TNFRSF4: variants seen among roughly 807,000 people sequenced by gnomAD.
TNFRSF4 encodes the protein TNF receptor superfamily member 4.
In TNFRSF4, 21 loss-of-function variants were observed where a neutral mutation model predicts 29.5. The ratio of observed to expected loss-of-function variants is 0.71; its 90% CI spans 0.51 to 1.03. The LOEUF (loss-of-function observed/expected upper bound fraction) is 1.03. Ranked by LOEUF, TNFRSF4 falls within the 50% of genes least tolerant of loss-of-function variation. The pLI, the probability that TNFRSF4 is intolerant of heterozygous loss-of-function variation, is 0.00. For synonymous variants in TNFRSF4, 197 were observed against 172.7 expected, an observed-to-expected ratio of 1.14 and a Z score of -1.10; for missense variants, 408 against 387.8, an observed-to-expected ratio of 1.05 and a Z score of -0.44.
At position 1,211,704 on chromosome 1, in the gene TNFRSF4, C is replaced by T. The variant is rs1649118071; in HGVS notation, c.763G>A (p.Gly255Arg). Residue 255 changes from glycine to arginine, a missense_variant and splice_region_variant, in exon 6 of 7, where the codon GGG becomes AGG. Coordinates refer to ENST00000379236, the MANE Select transcript of TNFRSF4 (RefSeq NM_003327.4). ...RLPPDAHKPP[G>R]GGSFRTPIQE... ...TGCGGCAGGGCCATGAGGCACTCAC[C>T]AGGGGGCTTGTGGGCATCGGGGGGC... 6.3e-7 allele frequency: 1 copy of T among 1,592,228 alleles called. No individual in the cohort carries two copies. Among genetic ancestry groups the T allele is most frequent in the Non-Finnish European group, 8.5e-7 (1 of 1,170,028 alleles).
In TNFRSF4 at chr1:1,213,117, G is replaced by T. The variant is rs772326773; in HGVS notation, c.269-24C>A. On this transcript the variant is annotated intron_variant, in intron 2 of 6. Transcript: ENST00000379236. ...TCCTGAGCAGGGGCCGGATGGGGGG[G>T]TGGTCAGGTGGGGGCTGTGGACAGG... The T allele has an allele frequency of 8.2e-6, 13 of 1,594,540 alleles. No individual in the cohort carries two copies. The Admixed American group carries it at 1.2e-4, about 15-fold the overall frequency.
At chr1:1,213,159 G>C in intron 2 of TNFRSF4, 66 bp from the exon 3 acceptor site, 1 of 1,548,886 alleles carries the variant, frequency 6.5e-7, no homozygotes, top group Non-Finnish European at 8.7e-7. Context: ...AGGAAGCGTG[G>C]GCACTGGAGG....
In TNFRSF4 at chr1:1,212,975, G is replaced by C. The variant is rs369074008; in HGVS notation, c.370+17C>G. 2 of 1,601,350 alleles carry C rather than the reference G, an allele frequency of 1.2e-6. No homozygotes were observed. The highest frequency in any genetic ancestry group is 1.3e-5 in the African/African-American group (1 of 74,806). On this transcript the variant is annotated intron_variant, in intron 3 of 6. Coordinates refer to ENST00000379236, the MANE Select transcript of TNFRSF4 (RefSeq NM_003327.4). ...CTATGCACACCCCCAACCGCCGGCC[G>C]CAGCCACCGAGCTCACCAACTCCAG...
chr1:1,212,145 G>C lies in TNFRSF4; in HGVS notation c.438-7C>G, dbSNP rs985932834. 6 of 1,612,250 alleles carry C rather than the reference G, an allele frequency of 3.7e-6. No individual in the cohort carries two copies. In the African/African-American group the frequency reaches 8.0e-5, roughly 22 times the overall value. On this transcript the variant is annotated splice_region_variant and splice_polypyrimidine_tract_variant and intron_variant, in intron 4 of 6. Transcript: ENST00000379236. Reference sequence around the variant, plus strand: ...CTTCCCAGCCAAGGTGCAGCTGTTGGGGAACAGGAGGTGTTGCTCAGGCCA... The same window carrying C: ...CTTCCCAGCCAAGGTGCAGCTGTTGCGGAACAGGAGGTGTTGCTCAGGCCA...
chr1:1,211,906 T>C (rs772036955), intron 5 of TNFRSF4, 36 bp downstream of exon 5: 3 of 1,510,270 alleles, frequency 2.0e-6, no homozygotes, highest in South Asian at 2.5e-5. Flanking sequence ...CCTATTCGGG[T>C]TGGGGGCCCC....
chr1:1,214,008 G>T lies in TNFRSF4; in HGVS notation c.120C>A (p.Asp40Glu). 6.2e-7 allele frequency: 1 copy of T among 1,605,172 alleles called. No homozygotes were observed. ...CTGGCCTGCACTCGTGGCAGCACCG[G>T]TCGTTGCTGGGGTAGGTGTCCCCGA... is the stretch of plus-strand genomic sequence containing the variant. ...HCVGDTYPSNDRCCHECRPGN... is the reference protein window; with the variant it reads ...HCVGDTYPSNERCCHECRPGN... Residue 40 changes from aspartate (D) to glutamate (E), a missense_variant, in exon 1 of 7, where the codon GAC (aspartate) becomes GAA (glutamate). Coordinates refer to ENST00000379236, the MANE Select transcript of TNFRSF4 (RefSeq NM_003327.4). This position sits in a 1 kb window ranked among gnomAD's most constrained non-coding sequence, Gnocchi z 4.2.
In TNFRSF4 at chr1:1,211,845, G is replaced by T. The variant is rs892501040; in HGVS notation, c.635-13C>A. 45 of 1,536,518 alleles carry T rather than the reference G, an allele frequency of 2.9e-5. No individual in the cohort carries two copies. Among genetic ancestry groups the T allele is most frequent in the Non-Finnish European group, 3.2e-5 (37 of 1,145,986 alleles). On this transcript the variant is annotated splice_polypyrimidine_tract_variant and intron_variant, in intron 5 of 6. Coordinates refer to ENST00000379236, the MANE Select transcript of TNFRSF4 (RefSeq NM_003327.4). ...GCAACCGCACGGCCTGCAGGAAGGGGTCTGCTGGGTGGGGTCCACAGGAGG... is the reference window on the plus strand; with the variant it reads ...GCAACCGCACGGCCTGCAGGAAGGGTTCTGCTGGGTGGGGTCCACAGGAGG...
intron 3 of TNFRSF4, 105 bp from the exon 4 acceptor site, chr1:1,212,809 G>A (rs1045322678): frequency 1.6e-6 from 2 of 1,254,168 alleles, no homozygotes; most frequent in African/African-American, 3.1e-5. Context: ...GCTGGGTGGT[G>A]GGTTTGGCCT....
chr1:1,212,885 C>T (rs1430874601), intron 3 of TNFRSF4, 107 bp downstream of exon 3: 4 of 1,333,448 alleles, frequency 3.0e-6, no homozygotes, highest in Non-Finnish European at 4.1e-6. Context: ...CTTGAGGATG[C>T]CAGAGGAGGC....
Position 1,213,037 on chromosome 1 carries a change from A to C in TNFRSF4, c.325T>G (p.Cys109Gly), listed in dbSNP as rs780756664. The C allele has an allele frequency of 3.1e-6, 5 of 1,611,422 alleles. No homozygotes were observed. In the Admixed American group the frequency reaches 5.0e-5, roughly 16 times the overall value. ...CTATQDTVCR[C>G]RAGTQPLDSY... ...TCCAGGGGCTGGGTGCCCGCCCGGC[A>C]GCGGCAGACTGTGTCCTGTGTGGCC... The change falls in exon 3 of 7, where the codon TGC becomes GGC. Residue 109 changes from cysteine (C) to glycine (G), a missense_variant. Physicochemically the swap from Cys to Gly is radical, Grantham distance 159. Transcript: ENST00000379236.
Position 1,213,977 on chromosome 1 carries a change from C to T in TNFRSF4, c.145+6G>A, listed in dbSNP as rs992069595. The T allele has an allele frequency of 1.3e-5, 21 of 1,595,932 alleles. No individual in the cohort carries two copies. Among genetic ancestry groups the T allele is most frequent in the Middle Eastern group, 2.3e-4 (1 of 4,406 alleles). On this transcript the variant is annotated splice_donor_region_variant and intron_variant, in intron 1 of 6. Transcript: ENST00000379236. ...CCGTGCGTGGCGACCCCTCCTGAGG[C>T]CTCACCTGGCCTGCACTCGTGGCAG...
intron 3 of TNFRSF4, 121 bp from the exon 4 acceptor site, chr1:1,212,825 A>G: frequency 8.2e-7 from 1 of 1,219,952 alleles, no homozygotes; most frequent in Non-Finnish European, 1.1e-6. Flanking sequence ...GGCCTCTGGA[A>G]GCCCTCCCTG....
chr1:1,213,527 G>A, intron 2 of TNFRSF4, 136 bp downstream of exon 2: 1 of 1,466,926 alleles, frequency 6.8e-7, no homozygotes, highest in African/African-American at 1.4e-5. Flanking sequence ...AAGGACCCCT[G>A]TGGCGGAGCA....
intron 2 of TNFRSF4, 166 bp downstream of exon 2, chr1:1,213,497 G>C: frequency 6.8e-7 from 1 of 1,468,592 alleles, no homozygotes; most frequent in Non-Finnish European, 9.0e-7. Context: ...GGTGCCCCTG[G>C]GAGACGCCTC....
At position 1,211,826 on chromosome 1, in the gene TNFRSF4, G is replaced by T. The variant is rs766128478; in HGVS notation, c.641C>A (p.Ala214Glu). The T allele has an allele frequency of 3.9e-6, 6 of 1,545,374 alleles. No homozygotes were observed. The highest frequency in any genetic ancestry group is 2.4e-5 in the South Asian group (2 of 84,232). The change falls in exon 6 of 7, where the codon GCG becomes GAG. Residue 214 changes from alanine (A) to glutamate (E), a missense_variant. Ala to Glu is a moderately radical substitution (Grantham distance 107). Transcript: ENST00000379236. ...TRPVEVPGGRAVAAILGLGLV... is the reference protein window; with the variant it reads ...TRPVEVPGGREVAAILGLGLV... ...GCCCAGGCCCAGGATGGCGGCAACC[G>T]CACGGCCTGCAGGAAGGGGTCTGCT...
Position 1,212,688 on chromosome 1 carries a change from A to G in TNFRSF4, c.387T>C (p.Pro129=), listed in dbSNP as rs2100952972. ...TGTCGCCTGGGGAGAAGTGCCCTGG[A>G]GGGCAGGGGGCACAGTCTGCAACAA... The part of the protein sequence containing the change: ...YKPGVDCAPC[P]PGHFSPGDNQ... Residue 129 remains proline, a synonymous_variant, in exon 4 of 7, where the codon CCT becomes CCC. Transcript: ENST00000379236. The G allele has an allele frequency of 6.6e-7, 1 of 1,516,468 alleles. No individual in the cohort carries two copies. Among genetic ancestry groups the G allele is most frequent in the Admixed American group, 1.9e-5 (1 of 53,274 alleles). The allele number at this position is 1,516,468 out of a possible 1,614,324, so 93.9% of individuals were successfully genotyped here.
Position 1,212,075 on chromosome 1 carries a change from C to T in TNFRSF4, c.501G>A (p.Glu167=). The part of the protein sequence containing the change: ...PASNSSDAIC[E]DRDPPATQPQ... ...GCTGCGTGGCTGGGGGGTCCCTGTC[C>T]TCACAGATTGCGTCCGAGCTATTGC... is the stretch of plus-strand genomic sequence containing the variant. Residue 167 remains glutamate, a synonymous_variant, in exon 5 of 7, where the codon GAG becomes GAA. Transcript: ENST00000379236. The T allele has an allele frequency of 3.1e-6, 5 of 1,612,438 alleles. No homozygotes were observed. Among genetic ancestry groups the T allele is most frequent in the Non-Finnish European group, 4.2e-6 (5 of 1,179,654 alleles).
chr1:1,213,936 C>G (rs35737009), intron 1 of TNFRSF4, 47 bp downstream of exon 1: 44,654 of 1,529,108 alleles, frequency 0.029, 1,691 homozygotes, highest in African/African-American at 0.16. Flanking sequence ...GCCCCAGCCC[C>G]CAGTCCCTGG....
rs1649155495 is a variant in TNFRSF4, at chr1:1,212,034, C to T, written c.542G>A (p.Gly181Asp). The change falls in exon 5 of 7, where the codon GGC (glycine) becomes GAC (aspartate). Residue 181 changes from glycine (G) to aspartate (D), a missense_variant. By Grantham distance (94) the Gly-to-Asp change is moderately conservative. Coordinates refer to ENST00000379236, the MANE Select transcript of TNFRSF4 (RefSeq NM_003327.4). ...PPATQPQETQ[G>D]PPARPITVQP... The stretch of plus-strand genomic sequence containing the variant: ...GACAGTGATGGGCCTGGCCGGGGGG[C>T]CCTGGGTCTCCTGGGGCTGCGTGGC... 1 of 1,611,158 alleles carries T rather than the reference C, an allele frequency of 6.2e-7. No homozygotes were observed. The highest frequency in any genetic ancestry group is 8.5e-7 in the Non-Finnish European group (1 of 1,179,240).
Sources: allele counts gnomAD v4.1 joint callset, GRCh38; gene constraint gnomAD v4.1.1; non-coding constraint Gnocchi (gnomAD v3.1); transcripts MANE v1.5; gene names NCBI Gene and HGNC (gene_info 2026-07-23, HGNC 2026-07-21).